FAM107B: variants seen among roughly 807,000 people sequenced by gnomAD.
The protein encoded by FAM107B is family with sequence similarity 107 member B.
FAM107B carries 21 observed loss-of-function variants against 31.5 expected under a neutral mutation model. The ratio of observed to expected loss-of-function variants is 0.67; its 90% CI spans 0.47 to 0.96. The LOEUF (loss-of-function observed/expected upper bound fraction) is 0.96. FAM107B is among the 40% of genes least tolerant of loss of function. The probability of loss-of-function intolerance (pLI) is 0.00; values close to 1 mark genes in which losing one functional copy is unlikely to be tolerated. For missense variants in FAM107B, 452 were observed against 377.1 expected, an observed-to-expected ratio of 1.20 and a Z score of -1.64; for synonymous variants, 157 against 141.5, an observed-to-expected ratio of 1.11 and a Z score of -0.78.
intron 2 of FAM107B, among the ~76,000 whole-genome samples, chr10:14,592,167 C>G (rs890153028): frequency 1.3e-5 from 2 of 152,202 alleles, no homozygotes; most frequent in Non-Finnish European, 2.9e-5. Context: ...GCCCAGCCAT[C>G]CCCGAGTTGA....
chr10:14,715,002 G>A (rs769787359), intron 1 of FAM107B, among the ~76,000 whole-genome samples: 3 of 152,072 alleles, frequency 2.0e-5, no homozygotes, highest in African/African-American at 7.2e-5. Context: ...CAGGTGGTCC[G>A]CCCATGGTCC....
rs2130742230 is a variant in FAM107B, at chr10:14,521,109, A to G, written c.*81T>C. On this transcript the variant is annotated 3_prime_UTR_variant, in exon 5 of 5. Transcript: ENST00000181796. The stretch of plus-strand genomic sequence containing the variant: ...TTCTCTGCTGGCTGAAATATTCTCC[A>G]GGGGCTTTTGCCCTGAGATTGAGAA... 3.7e-6 allele frequency: 4 copies of G among 1,078,588 alleles called. No individual in the cohort carries two copies. The East Asian group carries it at 1.0e-4, about 27-fold the overall frequency. 66.8% of individuals were successfully genotyped at this position (1,078,588 alleles called of 1,614,324 possible).
intron 2 of FAM107B, among the ~76,000 whole-genome samples, chr10:14,650,590 G>C (rs533940834): frequency 1.3e-5 from 2 of 152,276 alleles, no homozygotes; most frequent in Admixed American, 6.5e-5. Flanking sequence ...CCGGCCTCTC[G>C]ATACTTATTT....
chr10:14,764,035 C>G (rs868854369), intron 1 of FAM107B, among the ~76,000 whole-genome samples: 1 of 152,192 alleles, frequency 6.6e-6, no homozygotes, highest in African/African-American at 2.4e-5. Context: ...TCTACTGCTG[C>G]CTTTCTTCCC....
chr10:14,594,689 C>T (rs1385773644), intron 2 of FAM107B, among the ~76,000 whole-genome samples: 1 of 152,096 alleles, frequency 6.6e-6, no homozygotes, highest in Admixed American at 6.6e-5. Flanking sequence ...AAACCCCGAG[C>T]AAGCTTTTAA....
At chr10:14,714,017 A>T (rs1475167421) in intron 1 of FAM107B, among the ~76,000 whole-genome samples, 2 of 152,176 alleles carry the variant, frequency 1.3e-5, no homozygotes, top group African/African-American at 4.8e-5. Context: ...AAGAGATACC[A>T]GGGCCTACTT....
At chr10:14,564,995 G>C (rs183712121) in intron 2 of FAM107B, among the ~76,000 whole-genome samples, 205 of 152,278 alleles carry the variant, frequency 1.3e-3, no homozygotes, top group African/African-American at 4.7e-3. Flanking sequence ...TGAGGCAGGA[G>C]GATCACTTGA....
chr10:14,525,430 C>T (rs868694887), intron 3 of FAM107B, among the ~76,000 whole-genome samples: 34 of 152,110 alleles, frequency 2.2e-4, no homozygotes, highest in South Asian at 2.1e-4. Flanking sequence ...GTAATATACC[C>T]ATGTGTTAAA....
chr10:14,578,275 T>C (rs1851526664), intron 2 of FAM107B, among the ~76,000 whole-genome samples: 2 of 152,176 alleles, frequency 1.3e-5, no homozygotes, highest in Non-Finnish European at 2.9e-5. Context: ...GATCCTTCAT[T>C]TGGAGTTGAA....
chr10:14,605,945 T>C (rs1192039656), intron 2 of FAM107B, among the ~76,000 whole-genome samples: 1 of 152,220 alleles, frequency 6.6e-6, no homozygotes, highest in African/African-American at 2.4e-5. Context: ...TCAGTCACAA[T>C]ATGGTGGCAG....
chr10:14,522,834 G>C (rs1845808561), intron 3 of FAM107B, among the ~76,000 whole-genome samples: 1 of 152,134 alleles, frequency 6.6e-6, no homozygotes, highest in African/African-American at 2.4e-5. Context: ...TACATCTAAA[G>C]GCACATCTGA....
chr10:14,667,221 T>G (rs1439696201), intron 2 of FAM107B, among the ~76,000 whole-genome samples: 1 of 152,196 alleles, frequency 6.6e-6, no homozygotes, highest in Non-Finnish European at 1.5e-5. Flanking sequence ...TTAGCGAAGC[T>G]GCATACTTGA....
intron 1 of FAM107B, among the ~76,000 whole-genome samples, chr10:14,731,554 T>C (rs1034037306): frequency 6.6e-6 from 1 of 152,084 alleles, no homozygotes; most frequent in African/African-American, 2.4e-5. Flanking sequence ...AGAGCGAGAC[T>C]CCATCTCAAA....
intron 2 of FAM107B, among the ~76,000 whole-genome samples, chr10:14,588,114 C>A (rs1851902212): frequency 6.6e-6 from 1 of 152,146 alleles, no homozygotes; most frequent in Non-Finnish European, 1.5e-5. Context: ...GACAGCGCTT[C>A]TGAAGAGGAT....
chr10:14,739,642 C>T (rs2768704), intron 1 of FAM107B, among the ~76,000 whole-genome samples: 50,025 of 149,108 alleles, frequency 0.34, 8,894 homozygotes, highest in African/African-American at 0.5. Context: ...AATGAATGAG[C>T]GAATAAAGGG....
chr10:14,521,101 T>TA lies in FAM107B; in HGVS notation c.*88dup, dbSNP rs1845584814. The TA allele has an allele frequency of 2.0e-6, 2 of 1,012,894 alleles. No homozygotes were observed. Among genetic ancestry groups the TA allele is most frequent in the Non-Finnish European group, 3.0e-6 (2 of 674,168 alleles). The allele number at this position is 1,012,894 out of a possible 1,614,324, so 62.7% of individuals were successfully genotyped here. A position where few individuals can be genotyped will look rare whatever the true frequency, so the allele number is the denominator to read the frequency against. ...AGTCAAAATTCTCTGCTGGCTGAAA[T>TA]ATTCTCCAGGGGCTTTTGCCCTGAG... On this transcript the variant is annotated 3_prime_UTR_variant, in exon 5 of 5. Transcript: ENST00000181796.
chr10:14,656,448 G>C lies in FAM107B; in HGVS notation c.469+11186C>G, dbSNP rs535959756. ...TTGTGACCACCAGTTGAAATTTCTA[G>C]ATGACAATTTCCACCTTCCATGTCA... is the stretch of plus-strand genomic sequence containing the variant. On this transcript the variant is annotated intron_variant, in intron 2 of 4. Coordinates refer to ENST00000181796, the MANE Select transcript of FAM107B (RefSeq NM_031453.4). 2.6e-5 allele frequency among the ~76,000 whole-genome samples: 4 copies of C among 152,284 alleles called. 1 individual carries two copies. The South Asian group carries it at 8.3e-4, about 32-fold the overall frequency.
chr10:14,717,667 A>G (rs754970128), intron 1 of FAM107B, among the ~76,000 whole-genome samples: 7 of 152,202 alleles, frequency 4.6e-5, no homozygotes, highest in Non-Finnish European at 1.0e-4. Flanking sequence ...ACTGCCAGCC[A>G]GTTGGATGGT....
intron 2 of FAM107B, among the ~76,000 whole-genome samples, chr10:14,606,314 T>C (rs1025771820): frequency 2.0e-5 from 3 of 152,136 alleles, no homozygotes; most frequent in Non-Finnish European, 2.9e-5. Context: ...CTGGAAACCC[T>C]TTCCTGACCT....
Sources: allele counts gnomAD v4.1 joint callset (sites outside exome capture counted in the v4.1 genomes callset), GRCh38; gene constraint gnomAD v4.1.1; transcripts MANE v1.5; gene names NCBI Gene and HGNC (gene_info 2026-07-23, HGNC 2026-07-21).